NCKAP5: variants seen among roughly 807,000 people sequenced by gnomAD.
NCKAP5 encodes the protein nck-associated protein 5.
Under a neutral mutation model 167.0 loss-of-function variants are expected in NCKAP5, and 92 were observed. The observed-to-expected ratio is 0.55, with a 90% CI of 0.47 to 0.66. The LOEUF (loss-of-function observed/expected upper bound fraction) is 0.66, where lower values mean the gene tolerates loss of function less well. Ranked by LOEUF, NCKAP5 falls within the 30% of genes least tolerant of loss-of-function variation. The pLI, the probability that NCKAP5 is intolerant of heterozygous loss-of-function variation, is 0.00. For missense variants in NCKAP5, 2,378 were observed against 2,315.0 expected (o/e 1.03, Z -0.56); for synonymous variants, 891 against 877.4 (o/e 1.02, Z -0.27).
At chr2:133,390,737 C>T (rs967663129) in intron 3 of NCKAP5, among the ~76,000 whole-genome samples, 12 of 152,026 alleles carry the variant, frequency 7.9e-5, no homozygotes, top group Admixed American at 7.9e-4. Context: ...GTGTGTGTGC[C>T]TGTGTACACC....
chr2:133,237,759 T>C (rs979072695), intron 4 of NCKAP5, among the ~76,000 whole-genome samples: 1 of 152,222 alleles, frequency 6.6e-6, no homozygotes. Context: ...AGGCTCCTCC[T>C]GGGGACACAC....
At position 133,339,979 on chromosome 2, in the gene NCKAP5, T is replaced by G. The variant is rs564864346; in HGVS notation, c.70-36869A>C. Among the ~76,000 whole-genome samples, 4 of 152,262 alleles carry G rather than the reference T, an allele frequency of 2.6e-5. No homozygotes were observed. The South Asian group carries it at 8.3e-4, about 32-fold the overall frequency. ...CAAATCCAATGGGCATTGTTAAGAG[T>G]CACATGGTTTAGCTTCCGGGTGTTA... On this transcript the variant is annotated intron_variant, in intron 3 of 19. Coordinates refer to ENST00000409261, the MANE Select transcript of NCKAP5 (RefSeq NM_207363.3).
At chr2:132,917,022 T>C (rs1247133970) in intron 8 of NCKAP5, among the ~76,000 whole-genome samples, 1 of 152,228 alleles carries the variant, frequency 6.6e-6, no homozygotes, top group Non-Finnish European at 1.5e-5. Context: ...GGTTTCCATG[T>C]ACCTGTGTGC....
intron 8 of NCKAP5, among the ~76,000 whole-genome samples, chr2:132,900,631 T>C (rs1344745697): frequency 6.6e-6 from 1 of 152,074 alleles, no homozygotes; most frequent in Non-Finnish European, 1.5e-5. Context: ...ACCACATAAT[T>C]TTATAGAGTA....
At chr2:133,040,108 A>G (rs2079162608) in intron 6 of NCKAP5, among the ~76,000 whole-genome samples, 1 of 152,064 alleles carries the variant, frequency 6.6e-6, no homozygotes, top group African/African-American at 2.4e-5. Context: ...TTCATTCAGA[A>G]GCACATCTAG....
chr2:133,085,510 G>A (rs1199725902), intron 6 of NCKAP5, among the ~76,000 whole-genome samples: 3 of 152,124 alleles, frequency 2.0e-5, no homozygotes, highest in African/African-American at 4.8e-5. Context: ...TGGGTAATGG[G>A]ATTGACTGGG....
chr2:133,086,876 G>A (rs775121940), intron 6 of NCKAP5, among the ~76,000 whole-genome samples: 5 of 152,050 alleles, frequency 3.3e-5, no homozygotes, highest in African/African-American at 9.7e-5. Context: ...TTTTAGACAC[G>A]AACATTTTAT....
intron 6 of NCKAP5, among the ~76,000 whole-genome samples, chr2:133,041,657 G>A (rs926705886): frequency 1.1e-4 from 16 of 151,866 alleles, no homozygotes; most frequent in Non-Finnish European, 1.6e-4. Flanking sequence ...GCCTTGCTTC[G>A]TCTGCCAAAT....
intron 3 of NCKAP5, among the ~76,000 whole-genome samples, chr2:133,489,424 GA>G (rs1450424784): frequency 6.6e-6 from 1 of 152,172 alleles, no homozygotes; most frequent in Admixed American, 6.5e-5. Context: ...AGAAGTCGGA[GA>G]ATACACAGTC....
At chr2:133,405,228 T>C (rs1688348514) in intron 3 of NCKAP5, among the ~76,000 whole-genome samples, 1 of 152,210 alleles carries the variant, frequency 6.6e-6, no homozygotes, top group Non-Finnish European at 1.5e-5. Flanking sequence ...TGTGTTTCTG[T>C]TTAAAGACAC....
chr2:132,798,767 C>T (rs1434363201), intron 11 of NCKAP5, among the ~76,000 whole-genome samples: 2 of 152,128 alleles, frequency 1.3e-5, no homozygotes, highest in Non-Finnish European at 2.9e-5. Flanking sequence ...TGAGTTCTAG[C>T]CCTGTTGAAG....
At chr2:133,133,015 A>G (rs962931511) in intron 5 of NCKAP5, among the ~76,000 whole-genome samples, 1 of 152,168 alleles carries the variant, frequency 6.6e-6, no homozygotes, top group Non-Finnish European at 1.5e-5. Flanking sequence ...TAGAAAAAAT[A>G]TAGTATCAAT....
At chr2:133,416,694 T>G (rs922171398) in intron 3 of NCKAP5, among the ~76,000 whole-genome samples, 1 of 151,910 alleles carries the variant, frequency 6.6e-6, no homozygotes, top group South Asian at 2.1e-4. Context: ...TGTACTGAAA[T>G]AGCCACCACC....
At chr2:133,418,449 C>T (rs1359653968) in intron 3 of NCKAP5, among the ~76,000 whole-genome samples, 1 of 152,260 alleles carries the variant, frequency 6.6e-6, no homozygotes, top group South Asian at 2.1e-4. Context: ...CTGTTCAGAC[C>T]TCAGGGCTAC....
At chr2:133,375,778 G>A (rs1008377465) in intron 3 of NCKAP5, among the ~76,000 whole-genome samples, 3 of 152,174 alleles carry the variant, frequency 2.0e-5, no homozygotes, top group African/African-American at 7.2e-5. Flanking sequence ...TTATCTCATT[G>A]CATTTTAATG....
chr2:133,138,017 A>G (rs925634713), intron 5 of NCKAP5, among the ~76,000 whole-genome samples: 34 of 152,170 alleles, frequency 2.2e-4, no homozygotes, highest in African/African-American at 7.0e-4. Context: ...GGCACGTAAA[A>G]GAAAGTGGAG....
the NCKAP5 span, among the ~76,000 whole-genome samples, chr2:133,630,895 G>T: frequency 6.6e-6 from 1 of 152,138 alleles, no homozygotes; most frequent in South Asian, 2.1e-4. Context: ...AAGACATTAT[G>T]TTTTGGGAAA....
chr2:132,978,860 T>C (rs1392930027), intron 7 of NCKAP5, among the ~76,000 whole-genome samples: 1 of 152,166 alleles, frequency 6.6e-6, no homozygotes, highest in Non-Finnish European at 1.5e-5. Context: ...CCCACTAAGC[T>C]GTAAGGATGC....
At chr2:132,947,405 C>T (rs1331420616) in intron 8 of NCKAP5, among the ~76,000 whole-genome samples, 1 of 152,040 alleles carries the variant, frequency 6.6e-6, no homozygotes, top group Non-Finnish European at 1.5e-5. Context: ...TGAGTCTATC[C>T]TGGGCTTTGT....
Sources: allele counts gnomAD v4.1 joint callset (sites outside exome capture counted in the v4.1 genomes callset), GRCh38; gene constraint gnomAD v4.1.1; transcripts MANE v1.5; gene names NCBI Gene and HGNC (gene_info 2026-07-23, HGNC 2026-07-21).